Variants in KAZN observed in about 807,000 individuals in gnomAD.
The protein encoded by KAZN is kazrin.
Under a neutral mutation model 87.4 loss-of-function variants are expected in KAZN, and 40 were observed. The observed-to-expected ratio is 0.46, with a 90% CI of 0.36 to 0.60. The LOEUF (loss-of-function observed/expected upper bound fraction) is 0.60. Among genes scored for constraint, KAZN ranks in the 20% least tolerant of loss-of-function variants. The pLI, the probability that KAZN is intolerant of heterozygous loss-of-function variation, is 0.00. For missense variants in KAZN, 898 were observed against 1,073.9 expected, an observed-to-expected ratio of 0.84 and a Z score of 2.29; for synonymous variants, 466 against 458.3, an observed-to-expected ratio of 1.02 and a Z score of -0.22.
intron 2 of KAZN, among the ~76,000 whole-genome samples, chr1:14,462,215 T>C (rs778982476): frequency 3.3e-5 from 5 of 151,698 alleles, no homozygotes; most frequent in Non-Finnish European, 7.4e-5. Flanking sequence ...TAAACTGCAT[T>C]GGTTTCTCTT....
At chr1:14,346,299 A>G (rs190970684) in intron 2 of KAZN, among the ~76,000 whole-genome samples, 20 of 152,322 alleles carry the variant, frequency 1.3e-4, no homozygotes, top group African/African-American at 4.3e-4. Context: ...CAAGGACACA[A>G]GGCGGTCACC....
At chr1:14,853,046 G>A (rs1211634999) in intron 1 of KAZN, among the ~76,000 whole-genome samples, 2 of 152,254 alleles carry the variant, frequency 1.3e-5, no homozygotes, top group Non-Finnish European at 2.9e-5. Context: ...TAGGGAATGG[G>A]TGGAGCTGGG....
chr1:14,702,367 G>GTGT (rs1641978149), intron 1 of KAZN, among the ~76,000 whole-genome samples: 1 of 52,698 alleles, frequency 1.9e-5, no homozygotes, highest in African/African-American at 6.4e-5. Flanking sequence ...TGTGTGTGTG[G>GTGT]ATTTCTCTGT....
intron 2 of KAZN, among the ~76,000 whole-genome samples, chr1:14,419,280 G>A (rs887761066): frequency 4.6e-5 from 7 of 152,178 alleles, no homozygotes; most frequent in Admixed American, 1.3e-4. Context: ...CTTTCCCAAA[G>A]TCATAAAGCG....
At chr1:14,623,457 G>T (rs561041631) in intron 1 of KAZN, among the ~76,000 whole-genome samples, 2 of 152,290 alleles carry the variant, frequency 1.3e-5, no homozygotes, top group East Asian at 3.9e-4. Flanking sequence ...ACAGACACTG[G>T]GGCCTACCTG....
intron 3 of KAZN, among the ~76,000 whole-genome samples, chr1:15,039,905 T>C (rs1400570336): frequency 6.6e-6 from 1 of 152,188 alleles, no homozygotes; most frequent in African/African-American, 2.4e-5. Context: ...CTTTTATTGA[T>C]TGGCTTCATA....
intron 2 of KAZN, among the ~76,000 whole-genome samples, chr1:14,253,120 A>G (rs1246093548): frequency 7.9e-6 from 1 of 125,980 alleles, no homozygotes; most frequent in Non-Finnish European, 1.7e-5. Context: ...CAGAAAAAAG[A>G]GAAAAAAAAA....
chr1:13,895,380 T>C (rs1186106146), intron 1 of KAZN, among the ~76,000 whole-genome samples: 2 of 152,160 alleles, frequency 1.3e-5, no homozygotes, highest in Non-Finnish European at 2.9e-5. Flanking sequence ...ATTTCTAAAG[T>C]ACCTCCCCTG....
At chr1:14,941,227 C>T (rs2101639256) in intron 1 of KAZN, among the ~76,000 whole-genome samples, 1 of 152,208 alleles carries the variant, frequency 6.6e-6, no homozygotes, top group South Asian at 2.1e-4. Flanking sequence ...CTTCATTCAC[C>T]TTTTCTGTAG....
At chr1:14,493,997 CT>C (rs1669813166) in intron 2 of KAZN, among the ~76,000 whole-genome samples, 1 of 152,202 alleles carries the variant, frequency 6.6e-6, no homozygotes, top group Admixed American at 6.5e-5. Context: ...TATTCTTCTT[CT>C]CCTTGGGCCA....
chr1:14,687,334 G>GACGTC (rs1215861559), intron 1 of KAZN, among the ~76,000 whole-genome samples: 4 of 152,186 alleles, frequency 2.6e-5, no homozygotes, highest in Non-Finnish European at 5.9e-5. Flanking sequence ...ACAGAGAGAT[G>GACGTC]ACGTCAACAA....
chr1:14,043,801 A>G (rs918398112), intron 1 of KAZN, among the ~76,000 whole-genome samples: 1 of 152,160 alleles, frequency 6.6e-6, no homozygotes, highest in Admixed American at 6.5e-5. Context: ...ACATATGAAA[A>G]GCTGATGTCC....
intron 1 of KAZN, among the ~76,000 whole-genome samples, chr1:14,855,951 G>C (rs573364661): frequency 6.6e-6 from 1 of 152,214 alleles, no homozygotes; most frequent in Non-Finnish European, 1.5e-5. Context: ...AAAGCAGTTC[G>C]GTGGAGGGAT....
rs555925870 is a variant in KAZN at position 14,562,782 on chromosome 1, T to C, written c.250-36201T>C. On this transcript the variant is annotated intron_variant, in intron 2 of 16. Transcript: ENST00000636203. ...ATTTTCCAATCACTTACAGTAGATG[T>C]TTATTAATGACAGAACTTTAATTCT... Among the ~76,000 whole-genome samples the C allele has an allele frequency of 3.3e-5, 5 of 152,330 alleles. No individual in the cohort carries two copies. The East Asian group carries it at 9.6e-4, about 29-fold the overall frequency.
At chr1:14,944,018 G>A (rs955869051) in intron 1 of KAZN, among the ~76,000 whole-genome samples, 1 of 152,056 alleles carries the variant, frequency 6.6e-6, no homozygotes, top group Non-Finnish European at 1.5e-5. Context: ...AGGTTGTACT[G>A]AGCTGAGATC....
chr1:14,121,893 G>A (rs4662106), intron 1 of KAZN, among the ~76,000 whole-genome samples: 61,346 of 151,842 alleles, frequency 0.4, 13,038 homozygotes, highest in East Asian at 0.67. Flanking sequence ...TCCAGATGCA[G>A]GAAATAGCCA....
At chr1:14,681,784 GTTCTCCTGCCA>G (rs1359798526) in intron 1 of KAZN, among the ~76,000 whole-genome samples, 7 of 141,796 alleles carry the variant, frequency 4.9e-5, no homozygotes, top group Middle Eastern at 4.1e-3. Flanking sequence ...CCCGGGAGGC[GTTCTCCTGCCA>G]TTCTCCTGCC....
At chr1:14,048,478 A>G (rs1023617259) in intron 1 of KAZN, among the ~76,000 whole-genome samples, 2 of 149,400 alleles carry the variant, frequency 1.3e-5, no homozygotes, top group African/African-American at 5.0e-5. Context: ...ATCTTGGCTC[A>G]CTGCAACCTC....
intron 10 of KAZN, among the ~76,000 whole-genome samples, chr1:15,097,637 G>A (rs1251811933): frequency 6.6e-6 from 1 of 152,116 alleles, no homozygotes; most frequent in Non-Finnish European, 1.5e-5. Context: ...TAACCAACAT[G>A]GTGAAACCCT....
Sources: allele counts gnomAD v4.1 joint callset (sites outside exome capture counted in the v4.1 genomes callset), GRCh38; gene constraint gnomAD v4.1.1; transcripts MANE v1.5; gene names NCBI Gene and HGNC (gene_info 2026-07-23, HGNC 2026-07-21).